The following KLHL30 variants were observed in gnomAD, a reference collection of about 807,000 sequenced individuals.
The protein encoded by KLHL30 is kelch like family member 30, also known as kelch-like protein 30.
A neutral mutation model predicts 55.0 loss-of-function variants in KLHL30; 55 were observed. The observed-to-expected ratio is 1.00, with a 90% CI of 0.80 to 1.25. The LOEUF is 1.25. KLHL30 is among the 50% of genes most tolerant of loss of function. The probability of loss-of-function intolerance (pLI) is 0.00; values close to 1 mark genes in which losing one functional copy is unlikely to be tolerated. For synonymous variants in KLHL30, 356 were observed against 372.6 expected (o/e 0.96, Z 0.51); for missense variants, 786 against 811.6 (o/e 0.97, Z 0.38).
intron 3 of KLHL30, among the ~76,000 whole-genome samples, chr2:238,144,424 AAGGAAGGAAGGC>A (rs1316397332): frequency 0.011 from 927 of 81,988 alleles, 3 homozygotes; most frequent in Admixed American, 0.019. Context: ...GGAAGGAAGG[AAGGAAGGAAGGC>A]AGGCAGGCAG....
intron 7 of KLHL30, among the ~76,000 whole-genome samples, chr2:238,149,570 C>T (rs541332019): frequency 6.6e-6 from 1 of 152,294 alleles, no homozygotes; most frequent in South Asian, 2.1e-4. Flanking sequence ...GGTGCTCTGT[C>T]CCTGCACACC....
At position 238,152,789 on chromosome 2, in the gene KLHL30, T is replaced by G. The variant is rs544201257; in HGVS notation, c.*1724T>G. 1 of 152,192 alleles carries G rather than the reference T, an allele frequency of 6.6e-6. No individual in the cohort carries two copies. The highest frequency in any genetic ancestry group is 1.5e-5 in the Non-Finnish European group (1 of 68,040). The allele number at this position is 152,192 out of a possible 1,614,324, so 9.4% of individuals were successfully genotyped here. On this transcript the variant is annotated 3_prime_UTR_variant, in exon 8 of 8. Transcript: ENST00000409223. ...GCAAGGGTGAGGGTTTCTGGGGCCC[T>G]GGGCTCTGTTTCCATGTGGAAATCT...
intron 2 of KLHL30, 123 bp from the exon 3 acceptor site, chr2:238,142,676 C>T (rs1194044308): frequency 2.2e-5 from 22 of 982,090 alleles, no homozygotes; most frequent in Admixed American, 4.3e-5. Context: ...CTCGGGCACA[C>T]GCCATCTCCA....
chr2:238,142,725 T>C, intron 2 of KLHL30, 74 bp from the exon 3 acceptor site: 10 of 1,314,956 alleles, frequency 7.6e-6, no homozygotes, highest in Non-Finnish European at 9.8e-6. Flanking sequence ...TGCTGAGGCC[T>C]GCCCAGGACA....
chr2:238,150,677 T>C, intron 7 of KLHL30, 137 bp from the exon 8 acceptor site: 1 of 987,588 alleles, frequency 1.0e-6, no homozygotes, highest in Admixed American at 2.3e-5. Context: ...CCAGGGACTC[T>C]GCGCTCATGC....
chr2:238,141,003 G>T lies in KLHL30; in HGVS notation c.249G>T (p.Val83=). Residue 83 remains valine, a synonymous_variant, in exon 2 of 8, where the codon GTG becomes GTT. Transcript: ENST00000409223. ...AGCTGCGGGACGTGGAGCCCGCCGT[G>T]GTGGGACAACTGGTGGACTTCGTGT... ...RVELRDVEPA[V]VGQLVDFVYT... 6.2e-7 allele frequency: 1 copy of T among 1,612,500 alleles called. No individual in the cohort carries two copies. Among genetic ancestry groups the T allele is most frequent in the African/African-American group, 1.3e-5 (1 of 75,058 alleles).
At chr2:238,139,652 C>G (rs772734629) in intron 1 of KLHL30, among the ~76,000 whole-genome samples, 7 of 152,206 alleles carry the variant, frequency 4.6e-5, no homozygotes, top group Non-Finnish European at 8.8e-5. Flanking sequence ...CCTCCTGGTT[C>G]TCCAGCTGAG....
In KLHL30 at chr2:238,147,793, C is replaced by G; in HGVS notation, c.1151-41C>G. Reference sequence around the variant, plus strand: ...GCCCCTGAGTTTCCAGGCCTCCCCTCTCCTCCCCAGCCCTGAACTGCCCCC... The same window carrying G: ...GCCCCTGAGTTTCCAGGCCTCCCCTGTCCTCCCCAGCCCTGAACTGCCCCC... On this transcript the variant is annotated intron_variant, in intron 5 of 7. Transcript: ENST00000409223. This position sits in a 1 kb window ranked among gnomAD's most constrained non-coding sequence, Gnocchi z 5.8. The G allele has an allele frequency of 7.5e-7, 1 of 1,326,748 alleles. No homozygotes were observed. Among genetic ancestry groups the G allele is most frequent in the Non-Finnish European group, 9.9e-7 (1 of 1,012,248 alleles). 82.2% of individuals were successfully genotyped at this position (1,326,748 alleles called of 1,614,324 possible). A position where few individuals can be genotyped will look rare whatever the true frequency, so the allele number is the denominator to read the frequency against.
intron 1 of KLHL30, among the ~76,000 whole-genome samples, chr2:238,139,705 T>G (rs1364335603): frequency 3.9e-5 from 6 of 152,158 alleles, no homozygotes; most frequent in African/African-American, 1.4e-4. Context: ...ATTTTGTACC[T>G]GTGGACGCGC....
intron 3 of KLHL30, among the ~76,000 whole-genome samples, chr2:238,144,428 A>AATGAAGGCAGGCAGGCAGGC (rs1692606612): frequency 1.3e-5 from 1 of 76,966 alleles, no homozygotes; most frequent in African/African-American, 4.9e-5. Flanking sequence ...GGAAGGAAGG[A>AATGAAGGCAGGCAGGCAGGC]AGGAAGGCAG....
intron 4 of KLHL30, among the ~76,000 whole-genome samples, chr2:238,145,397 T>C (rs1692628998): frequency 6.6e-6 from 1 of 152,118 alleles, no homozygotes; most frequent in African/African-American, 2.4e-5. Context: ...CACTTTGCTC[T>C]TTCCTATCTC....
rs1283822596 is a variant in KLHL30, at chr2:238,152,254, C to T, written c.*1189C>T. On this transcript the variant is annotated 3_prime_UTR_variant, in exon 8 of 8. Transcript: ENST00000409223. ...CCTTAACACCCCCCGCCCCTGGGGA[C>T]CAGAGGGGCCTCTGACATCCTTGGG... The T allele has an allele frequency of 1.0e-6, 1 of 979,828 alleles. No homozygotes were observed. The highest frequency in any genetic ancestry group is 1.2e-6 in the Non-Finnish European group (1 of 824,966). 60.7% of individuals were successfully genotyped at this position (979,828 alleles called of 1,614,324 possible).
In KLHL30 at chr2:238,141,163, G is replaced by A. The variant is rs747863795; in HGVS notation, c.409G>A (p.Gly137Ser). 9.9e-6 allele frequency: 16 copies of A among 1,611,918 alleles called. No homozygotes were observed. The highest frequency in any genetic ancestry group is 2.2e-5 in the South Asian group (2 of 91,036). Residue 137 changes from glycine (G) to serine (S), a missense_variant, in exon 2 of 8, where the codon GGC (glycine) becomes AGC (serine). Physicochemically the swap from Gly to Ser is moderately conservative, Grantham distance 56. Coordinates refer to ENST00000409223, the MANE Select transcript of KLHL30 (RefSeq NM_198582.4). ...GCAACTGGATGCCGCCAACTGCCTGGGCATCTGTGAGTTCGGGGAGCAGCA... is the reference window on the plus strand; with the variant it reads ...GCAACTGGATGCCGCCAACTGCCTGAGCATCTGTGAGTTCGGGGAGCAGCA... ...QQQLDAANCLGICEFGEQQGL... is the reference protein window; with the variant it reads ...QQQLDAANCLSICEFGEQQGL...
chr2:238,150,794 A>G lies in KLHL30; in HGVS notation c.1486-20A>G. ...CTCCAGCTCCCGCCCACCGGACGCT[A>G]ACCCGCTGACCGTGCACAGGTGCAG... On this transcript the variant is annotated intron_variant, in intron 7 of 7. Transcript: ENST00000409223. 6.4e-7 allele frequency: 1 copy of G among 1,562,030 alleles called. No homozygotes were observed. The highest frequency in any genetic ancestry group is 1.2e-5 in the South Asian group (1 of 84,858).
intron 5 of KLHL30, 149 bp downstream of exon 5, chr2:238,145,981 G>A (rs919542518): frequency 2.0e-6 from 2 of 1,021,058 alleles, no homozygotes; most frequent in Non-Finnish European, 1.4e-6. Flanking sequence ...TGGTGGGGCG[G>A]GCAAGCCACA....
rs1431610462 is a variant in KLHL30 at position 238,151,480 on chromosome 2, A to G, written c.*415A>G. Reference sequence around the variant, plus strand: ...GAACACGGAGCGTCCCAGAAAGCTGAGGCTGCTGGGGAAGGCAGGCCCCGG... The same window carrying G: ...GAACACGGAGCGTCCCAGAAAGCTGGGGCTGCTGGGGAAGGCAGGCCCCGG... On this transcript the variant is annotated 3_prime_UTR_variant, in exon 8 of 8. Coordinates refer to ENST00000409223, the MANE Select transcript of KLHL30 (RefSeq NM_198582.4). 4.6e-6 allele frequency: 1 copy of G among 217,572 alleles called. No homozygotes were observed. Among genetic ancestry groups the G allele is most frequent in the Non-Finnish European group, 9.2e-6 (1 of 108,610 alleles). 13.5% of individuals were successfully genotyped at this position (217,572 alleles called of 1,614,324 possible).
In KLHL30 at chr2:238,151,341, G is replaced by A. The variant is rs1410969232; in HGVS notation, c.*276G>A. On this transcript the variant is annotated 3_prime_UTR_variant, in exon 8 of 8. Transcript: ENST00000409223. ...AAGCTCTGCTGCCCCTGGGGTTCCC[G>A]AGACCTCAGAGAGGGGAGCCGGGGG... is the stretch of plus-strand genomic sequence containing the variant. 1.1e-5 allele frequency: 6 copies of A among 523,826 alleles called. No homozygotes were observed. Among genetic ancestry groups the A allele is most frequent in the Admixed American group, 6.7e-5 (2 of 29,670 alleles). The allele number at this position is 523,826 out of a possible 1,614,324, so 32.4% of individuals were successfully genotyped here.
rs1349970276 is a variant in KLHL30 at position 238,151,616 on chromosome 2, C to T, written c.*551C>T. ...GGCTTCAAGCTCCGCGTCCACCACA[C>T]ACGGGGCTGGCTGTGTGGGCTTTGG... is the stretch of plus-strand genomic sequence containing the variant. On this transcript the variant is annotated 3_prime_UTR_variant, in exon 8 of 8. Transcript: ENST00000409223. 1.9e-5 allele frequency: 3 copies of T among 157,698 alleles called. No individual in the cohort carries two copies. Among genetic ancestry groups the T allele is most frequent in the Non-Finnish European group, 4.2e-5 (3 of 71,550 alleles). 9.8% of individuals were successfully genotyped at this position (157,698 alleles called of 1,614,324 possible). A position where few individuals can be genotyped will look rare whatever the true frequency, so the allele number is the denominator to read the frequency against.
rs886169504 is a variant in KLHL30, at chr2:238,148,087, C to T, written c.1339+65C>T. On this transcript the variant is annotated intron_variant, in intron 6 of 7. Transcript: ENST00000409223. ...CCCCTCTGACAGGCGACAGTCCGCT[C>T]GTAGTGATGGTGAGGATTGGGGCTC... The T allele has an allele frequency of 6.9e-6, 9 of 1,311,910 alleles. No homozygotes were observed. The South Asian group carries it at 7.8e-5, about 11-fold the overall frequency. The allele number at this position is 1,311,910 out of a possible 1,614,324, so 81.3% of individuals were successfully genotyped here.
Sources: allele counts gnomAD v4.1 joint callset (sites outside exome capture counted in the v4.1 genomes callset), GRCh38; gene constraint gnomAD v4.1.1; non-coding constraint Gnocchi (gnomAD v3.1); transcripts MANE v1.5; gene names NCBI Gene and HGNC (gene_info 2026-07-23, HGNC 2026-07-21).